The following MYO18B variants were observed in gnomAD, a reference collection of about 807,000 sequenced individuals.
MYO18B encodes myosin XVIIIB.
A neutral mutation model predicts 273.0 loss-of-function variants in MYO18B; 204 were observed. The observed-to-expected ratio is 0.75, with a 90% CI of 0.67 to 0.84. MYO18B has a LOEUF of 0.84. Ranked by LOEUF, MYO18B falls within the 40% of genes least tolerant of loss-of-function variation. MYO18B has a pLI of 0.00. For synonymous variants in MYO18B, 1,330 were observed against 1,305.7 expected (o/e 1.02, Z -0.40); for missense variants, 3,212 against 3,287.6 (o/e 0.98, Z 0.56).
intron 12 of MYO18B, among the ~76,000 whole-genome samples, chr22:25,802,760 A>AC (rs886477835): frequency 1.1e-4 from 8 of 69,874 alleles, no homozygotes; most frequent in Admixed American, 4.0e-4. Context: ...CTCAAAAAAA[A>AC]AAAAAAAAAA....
chr22:25,785,393 G>GC lies in MYO18B; in HGVS notation c.2313-29dup, dbSNP rs770196522. ...TGCCCTGCCAGGGCTGGTGTGGACA[G>GC]CCCCCCTGACTCCTGGTTCCTTCTG... On this transcript the variant is annotated intron_variant, in intron 10 of 43. Transcript: ENST00000335473. 8 of 1,583,466 alleles carry GC rather than the reference G, an allele frequency of 5.1e-6. No individual in the cohort carries two copies. In the African/African-American group the frequency reaches 5.4e-5, roughly 11 times the overall value.
rs2092150902 is a variant in MYO18B, at chr22:25,911,160, G to A, written c.5364+110G>A. ...GGATACCCTCTCCTCCATCAGCTCT[G>A]TTCCCACCATATTCACTGGCTCTTC... is the stretch of plus-strand genomic sequence containing the variant. On this transcript the variant is annotated intron_variant, in intron 33 of 43. Transcript: ENST00000335473. 5.0e-6 allele frequency: 4 copies of A among 797,512 alleles called. No individual in the cohort carries two copies. In the African/African-American group the frequency reaches 5.1e-5, roughly 10 times the overall value. The allele number at this position is 797,512 out of a possible 1,614,324, so 49.4% of individuals were successfully genotyped here. A position where few individuals can be genotyped will look rare whatever the true frequency, so the allele number is the denominator to read the frequency against.
At position 25,905,077 on chromosome 22, in the gene MYO18B, G is replaced by A. The variant is rs144195996; in HGVS notation, c.5148+1246G>A. Among the ~76,000 whole-genome samples the A allele has an allele frequency of 8.6e-5, 13 of 151,686 alleles. No individual in the cohort carries two copies. In the East Asian group the frequency reaches 9.8e-4, roughly 11 times the overall value. ...TTTTAAAAAAAATGCTGAGGCCACC[G>A]TTATGCGAGAAAATGTGACCAGGTG... On this transcript the variant is annotated intron_variant, in intron 31 of 43. Coordinates refer to ENST00000335473, the MANE Select transcript of MYO18B (RefSeq NM_032608.7).
Position 25,768,493 on chromosome 22 carries a change from G to A in MYO18B, c.577G>A (p.Gly193Arg), listed in dbSNP as rs770135040. The change falls in exon 4 of 44, where the codon GGG becomes AGG. Residue 193 changes from glycine to arginine, a missense_variant. Gly to Arg is a moderately radical substitution (Grantham distance 125). Coordinates refer to ENST00000335473, the MANE Select transcript of MYO18B (RefSeq NM_032608.7). ...PATDTGKEKK[G>R]ETSRTPCGSQ... ...CACAGATACTGGAAAGGAAAAGAAA[G>A]GGGAGACCTCTAGGACTCCTTGTGG... 5.6e-6 allele frequency: 9 copies of A among 1,606,942 alleles called. No homozygotes were observed. The highest frequency in any genetic ancestry group is 7.6e-6 in the Non-Finnish European group (9 of 1,176,936).
intron 11 of MYO18B, among the ~76,000 whole-genome samples, chr22:25,791,071 A>G (rs777293405): frequency 1.3e-5 from 2 of 152,232 alleles, no homozygotes; most frequent in African/African-American, 2.4e-5. Flanking sequence ...ACACAGAAAT[A>G]ACTCAACTGG....
chr22:25,956,745 C>T (rs2092857544), intron 39 of MYO18B, among the ~76,000 whole-genome samples: 1 of 152,160 alleles, frequency 6.6e-6, no homozygotes, highest in African/African-American at 2.4e-5. Flanking sequence ...AGAGACAGCC[C>T]ACAATATGCC....
intron 12 of MYO18B, among the ~76,000 whole-genome samples, chr22:25,818,169 A>G (rs2089119985): frequency 6.6e-6 from 1 of 152,146 alleles, no homozygotes; most frequent in South Asian, 2.1e-4. Flanking sequence ...TCCCCTCTGG[A>G]GTGGGCTGGG....
chr22:25,869,449 C>CAAAAAA (rs58609325), intron 22 of MYO18B, among the ~76,000 whole-genome samples: 33 of 58,082 alleles, frequency 5.7e-4, no homozygotes, highest in East Asian at 2.9e-3. Context: ...TACTGTGTCT[C>CAAAAAA]AAAAAAAAAA....
intron 7 of MYO18B, among the ~76,000 whole-genome samples, chr22:25,773,454 A>G (rs1485835914): frequency 6.6e-6 from 1 of 151,810 alleles, no homozygotes; most frequent in Non-Finnish European, 1.5e-5. Flanking sequence ...GGCAGCTACT[A>G]TGGGTATTTA....
At chr22:25,791,502 A>G (rs2087660312) in intron 11 of MYO18B, among the ~76,000 whole-genome samples, 1 of 152,206 alleles carries the variant, frequency 6.6e-6, no homozygotes, top group East Asian at 1.9e-4. Context: ...CAGCTTGTAA[A>G]TGGAACTTAC....
chr22:26,009,902 C>A (rs563633632), intron 42 of MYO18B, among the ~76,000 whole-genome samples: 115 of 152,200 alleles, frequency 7.6e-4, no homozygotes, highest in African/African-American at 2.5e-3. Context: ...TATATTCTCC[C>A]AAGTTTTAAA....
At chr22:25,946,669 G>A (rs1325609035) in intron 35 of MYO18B, among the ~76,000 whole-genome samples, 1 of 152,214 alleles carries the variant, frequency 6.6e-6, no homozygotes, top group Non-Finnish European at 1.5e-5. Context: ...AAACACAACT[G>A]TATGTTGTGT....
intron 43 of MYO18B, among the ~76,000 whole-genome samples, chr22:26,028,802 G>A: frequency 6.6e-6 from 1 of 151,028 alleles, no homozygotes; most frequent in Non-Finnish European, 1.5e-5. Context: ...GCAGGAAAAT[G>A]GCATGAACCC....
rs1168163089 is a variant in MYO18B, at chr22:25,828,853, A to C, written c.2864A>C (p.Gln955Pro). 6.2e-7 allele frequency: 1 copy of C among 1,613,988 alleles called. No individual in the cohort carries two copies. The highest frequency in any genetic ancestry group is 8.5e-7 in the Non-Finnish European group (1 of 1,179,882). The change falls in exon 15 of 44, where the codon CAG becomes CCG. Residue 955 changes from glutamine to proline, a missense_variant. By Grantham distance (76) the Gln-to-Pro change is moderately conservative. Coordinates refer to ENST00000335473, the MANE Select transcript of MYO18B (RefSeq NM_032608.7). Reference sequence around the variant, plus strand: ...CCAGGCTTCCAGAACCCCCGGCACCAGGGCAAGGACCGGGCGGCCACCTTT... The same window carrying C: ...CCAGGCTTCCAGAACCCCCGGCACCCGGGCAAGGACCGGGCGGCCACCTTT... ...DSPGFQNPRH[Q>P]GKDRAATFEE...
chr22:26,012,683 A>C (rs1935003496), intron 42 of MYO18B, among the ~76,000 whole-genome samples: 1 of 152,176 alleles, frequency 6.6e-6, no homozygotes, highest in Non-Finnish European at 1.5e-5. Context: ...GAGGTCTTGG[A>C]TGGTAGGTCT....
At chr22:25,968,707 A>G (rs2093005150) in intron 39 of MYO18B, among the ~76,000 whole-genome samples, 1 of 152,052 alleles carries the variant, frequency 6.6e-6, no homozygotes, top group Non-Finnish European at 1.5e-5. Context: ...TGAAGCCAGG[A>G]AGTCTGGGTC....
intron 23 of MYO18B, 137 bp downstream of exon 23, chr22:25,874,551 T>A (rs943656644): frequency 1.8e-6 from 2 of 1,085,088 alleles, no homozygotes; most frequent in African/African-American, 3.2e-5. Flanking sequence ...AGTGAGGCTT[T>A]GCAAGATGTT....
chr22:26,057,608 GT>G, the MYO18B span, among the ~76,000 whole-genome samples: 1 of 150,018 alleles, frequency 6.7e-6, no homozygotes, highest in Non-Finnish European at 1.5e-5. Flanking sequence ...TTTTCTATTA[GT>G]TTTTTTGAAA....
intron 15 of MYO18B, among the ~76,000 whole-genome samples, chr22:25,832,650 G>T (rs1374329645): frequency 6.6e-6 from 1 of 152,156 alleles, no homozygotes; most frequent in African/African-American, 2.4e-5. Flanking sequence ...CAGAGATTCC[G>T]TTTTGAAAGA....
Sources: allele counts gnomAD v4.1 joint callset (sites outside exome capture counted in the v4.1 genomes callset), GRCh38; gene constraint gnomAD v4.1.1; transcripts MANE v1.5; gene names NCBI Gene and HGNC (gene_info 2026-07-23, HGNC 2026-07-21).